TMEM132C: variants seen among roughly 807,000 people sequenced by gnomAD.
TMEM132C encodes transmembrane protein 132C.
TMEM132C carries 29 observed loss-of-function variants against 61.4 expected under a neutral mutation model. The ratio of observed to expected loss-of-function variants is 0.47; its 90% CI spans 0.35 to 0.64. The LOEUF (loss-of-function observed/expected upper bound fraction) is 0.64, where lower values mean the gene tolerates loss of function less well. Among genes scored for constraint, TMEM132C ranks in the 30% least tolerant of loss-of-function variants. TMEM132C has a pLI of 0.00. For synonymous variants in TMEM132C, 656 were observed against 633.1 expected (o/e 1.04, Z -0.54); for missense variants, 1,408 against 1,476.9 (o/e 0.95, Z 0.76).
intron 1 of TMEM132C, among the ~76,000 whole-genome samples, chr12:128,339,265 G>A (rs1354432860): frequency 1.3e-5 from 2 of 151,964 alleles, no homozygotes. Flanking sequence ...TCAAGTTACA[G>A]AGGGCTTTTT....
chr12:128,495,335 G>A (rs1871904764), intron 2 of TMEM132C, among the ~76,000 whole-genome samples: 2 of 152,122 alleles, frequency 1.3e-5, no homozygotes, highest in Admixed American at 1.3e-4. Context: ...GGAGAGTTCT[G>A]TAGGTGTCTA....
chr12:128,619,741 T>C (rs186895822), intron 4 of TMEM132C, among the ~76,000 whole-genome samples: 1 of 152,288 alleles, frequency 6.6e-6, no homozygotes, highest in African/African-American at 2.4e-5. Flanking sequence ...CAAGGCCACT[T>C]TCGTACATAA....
At chr12:128,554,937 C>T (rs982945458) in intron 3 of TMEM132C, among the ~76,000 whole-genome samples, 3 of 151,946 alleles carry the variant, frequency 2.0e-5, no homozygotes, top group Admixed American at 6.5e-5. Flanking sequence ...GCCAGTGTTC[C>T]CCATCCGTTC....
At chr12:128,526,222 G>A (rs1873080613) in intron 2 of TMEM132C, among the ~76,000 whole-genome samples, 1 of 152,242 alleles carries the variant, frequency 6.6e-6, no homozygotes, top group African/African-American at 2.4e-5. Context: ...TAGGGCTGCT[G>A]TAAGAAAACA....
At chr12:128,485,962 T>C (rs1186017370) in intron 2 of TMEM132C, among the ~76,000 whole-genome samples, 1 of 152,202 alleles carries the variant, frequency 6.6e-6, no homozygotes, top group African/African-American at 2.4e-5. Context: ...AGTTAGACTT[T>C]GAGGTGTAGA....
At chr12:128,588,228 G>A (rs1253359681) in intron 3 of TMEM132C, among the ~76,000 whole-genome samples, 1 of 152,152 alleles carries the variant, frequency 6.6e-6, no homozygotes, top group Non-Finnish European at 1.5e-5. Flanking sequence ...AAGCTCAGGG[G>A]TTCGAGATAA....
At chr12:128,591,779 C>T (rs775296018) in intron 3 of TMEM132C, among the ~76,000 whole-genome samples, 5 of 152,058 alleles carry the variant, frequency 3.3e-5, no homozygotes, top group Non-Finnish European at 4.4e-5. Context: ...CAGCCAGGCA[C>T]GGTGGCTCAT....
rs77963948 is a variant in TMEM132C at position 128,517,555 on chromosome 12, A to C, written c.975-26402A>C. ...GATTGATCCATGGATGGACAGATGG[A>C]TGGAGAAGTGAATAGGTATATGATA... is the stretch of plus-strand genomic sequence containing the variant. On this transcript the variant is annotated intron_variant, in intron 2 of 8. Transcript: ENST00000435159. Among the ~76,000 whole-genome samples, 1,086 of 152,332 alleles carry C rather than the reference A, an allele frequency of 7.1e-3. 4 individuals are homozygous for C. The highest frequency in any genetic ancestry group is 0.012 in the Non-Finnish European group (804 of 68,028).
chr12:128,485,657 C>A (rs889662524), intron 2 of TMEM132C, among the ~76,000 whole-genome samples: 1 of 152,018 alleles, frequency 6.6e-6, no homozygotes. Context: ...CACAGGACAG[C>A]CCCCCACAGC....
At chr12:128,291,008 A>T (rs1020287096) in intron 1 of TMEM132C, among the ~76,000 whole-genome samples, 1 of 152,110 alleles carries the variant, frequency 6.6e-6, no homozygotes, top group Non-Finnish European at 1.5e-5. Context: ...TCTTTTCCAC[A>T]ATGAAAGCCA....
intron 2 of TMEM132C, among the ~76,000 whole-genome samples, chr12:128,513,600 C>T (rs774010221): frequency 7.2e-5 from 11 of 152,064 alleles, no homozygotes; most frequent in Admixed American, 1.3e-4. Flanking sequence ...CATCCTGGCT[C>T]TTTCAGGCTT....
chr12:128,694,998 T>A (rs543422964), intron 6 of TMEM132C, among the ~76,000 whole-genome samples: 6 of 152,360 alleles, frequency 3.9e-5, no homozygotes, highest in African/African-American at 1.4e-4. Flanking sequence ...TGAGTTTGCC[T>A]CATAGTGTTA....
At position 128,381,217 on chromosome 12, in the gene TMEM132C, C is replaced by T. The variant is rs139207251; in HGVS notation, c.86-33515C>T. Among the ~76,000 whole-genome samples the T allele has an allele frequency of 2.6e-4, 39 of 152,244 alleles. 1 individual carries two copies. Among genetic ancestry groups the T allele is most frequent in the East Asian group, 1.9e-3 (10 of 5,170 alleles). The stretch of plus-strand genomic sequence containing the variant: ...GAGCCACTCAAAACTGTCTCTGCAC[C>T]GCCTTATTGGGGGAATGCCCGTGAA... On this transcript the variant is annotated intron_variant, in intron 1 of 8. Transcript: ENST00000435159.
intron 4 of TMEM132C, among the ~76,000 whole-genome samples, chr12:128,668,104 C>T (rs904444441): frequency 1.3e-5 from 2 of 152,078 alleles, no homozygotes; most frequent in Middle Eastern, 3.2e-3. Context: ...AAGATCCTGT[C>T]TCTACAAGAA....
At chr12:128,557,801 A>C (rs937305868) in intron 3 of TMEM132C, among the ~76,000 whole-genome samples, 5 of 152,266 alleles carry the variant, frequency 3.3e-5, no homozygotes, top group African/African-American at 1.2e-4. Context: ...AAACTGCAGT[A>C]GAAATGAGCA....
intron 2 of TMEM132C, among the ~76,000 whole-genome samples, chr12:128,455,332 G>A (rs1360722901): frequency 1.3e-5 from 2 of 152,188 alleles, no homozygotes; most frequent in Non-Finnish European, 2.9e-5. Context: ...CGGAGGAGGT[G>A]GTTAATTTCT....
chr12:128,523,978 A>T (rs1173257730), intron 2 of TMEM132C, among the ~76,000 whole-genome samples: 1 of 149,624 alleles, frequency 6.7e-6, no homozygotes, highest in South Asian at 2.1e-4. Context: ...GTGCCACTGC[A>T]CTCCAGCCTG....
intron 3 of TMEM132C, among the ~76,000 whole-genome samples, chr12:128,550,566 A>G (rs1397266947): frequency 6.6e-6 from 1 of 152,010 alleles, no homozygotes; most frequent in Non-Finnish European, 1.5e-5. Context: ...CGGCCTCCCA[A>G]AGTGCTGAGA....
intron 2 of TMEM132C, among the ~76,000 whole-genome samples, chr12:128,496,872 C>T (rs556113968): frequency 2.6e-4 from 40 of 152,348 alleles, no homozygotes; most frequent in African/African-American, 3.8e-4. Flanking sequence ...CCATTGCTGG[C>T]GAGGAGCTGC....
Sources: gnomAD v4.1 joint callset for allele counts (sites outside exome capture counted in the v4.1 genomes callset) on GRCh38, gnomAD v4.1.1 for gene constraint, MANE v1.5 for transcripts, NCBI Gene and HGNC (gene_info 2026-07-23, HGNC 2026-07-21) for gene names.